EXOC6B: variants seen among roughly 807,000 people sequenced by gnomAD.
EXOC6B encodes the protein exocyst complex component 6B.
EXOC6B carries 54 observed loss-of-function variants against 113.5 expected under a neutral mutation model. That is an observed-to-expected ratio of 0.48 (90% CI 0.38 to 0.60). The LOEUF (loss-of-function observed/expected upper bound fraction) is 0.60. EXOC6B is among the 20% of genes least tolerant of loss of function. The pLI, the probability that EXOC6B is intolerant of heterozygous loss-of-function variation, is 0.00. For synonymous variants in EXOC6B, 357 were observed against 339.0 expected (o/e 1.05, Z -0.58); for missense variants, 797 against 977.5 (o/e 0.82, Z 2.46).
chr2:72,732,337 G>A (rs1680696920), intron 3 of EXOC6B, among the ~76,000 whole-genome samples: 1 of 151,728 alleles, frequency 6.6e-6, no homozygotes, highest in African/African-American at 2.4e-5. Context: ...TTGTTTTGGG[G>A]GGCAGGTAGA....
At chr2:72,387,093 G>C (rs931349376) in intron 18 of EXOC6B, among the ~76,000 whole-genome samples, 1 of 152,108 alleles carries the variant, frequency 6.6e-6, no homozygotes, top group African/African-American at 2.4e-5. Flanking sequence ...TCTTGAAAGG[G>C]TGTTCAATTT....
At chr2:72,268,930 C>A (rs1197451998) in intron 20 of EXOC6B, among the ~76,000 whole-genome samples, 1 of 152,120 alleles carries the variant, frequency 6.6e-6, no homozygotes, top group Non-Finnish European at 1.5e-5. Context: ...AACCTCTTTT[C>A]TTTATAAATT....
At chr2:72,665,554 T>C (rs1048455838) in intron 6 of EXOC6B, among the ~76,000 whole-genome samples, 1 of 152,156 alleles carries the variant, frequency 6.6e-6, no homozygotes, top group East Asian at 1.9e-4. Context: ...TTCAGTGTCC[T>C]TAAAGAAAAG....
intron 3 of EXOC6B, among the ~76,000 whole-genome samples, 161 bp from the exon 4 acceptor site, chr2:72,731,406 AC>A (rs1370110020): frequency 2.6e-5 from 4 of 152,220 alleles, no homozygotes; most frequent in African/African-American, 9.6e-5. Context: ...AACCAGTAAA[AC>A]ATTCCTGCAC....
At chr2:72,382,123 T>G (rs1691714751) in intron 18 of EXOC6B, among the ~76,000 whole-genome samples, 1 of 152,094 alleles carries the variant, frequency 6.6e-6, no homozygotes, top group African/African-American at 2.4e-5. Context: ...AAGAGAAAAG[T>G]CACATCATAA....
At chr2:72,370,875 G>T (rs958402612) in intron 19 of EXOC6B, among the ~76,000 whole-genome samples, 1 of 112,964 alleles carries the variant, frequency 8.9e-6, no homozygotes, top group Non-Finnish European at 1.9e-5. Flanking sequence ...GGTGATGGGA[G>T]GGGGGAGGGA....
intron 18 of EXOC6B, among the ~76,000 whole-genome samples, chr2:72,380,231 A>C (rs1446203623): frequency 1.3e-5 from 2 of 152,228 alleles, no homozygotes; most frequent in Non-Finnish European, 2.9e-5. Context: ...ACAGAGAATA[A>C]ATTTCAAAAA....
chr2:72,700,977 A>G (rs960835888), intron 6 of EXOC6B, among the ~76,000 whole-genome samples: 1 of 151,966 alleles, frequency 6.6e-6, no homozygotes, highest in Non-Finnish European at 1.5e-5. Flanking sequence ...TTTATGTAAT[A>G]TATATTTTAC....
At chr2:72,516,968 G>C (rs1401076762) in intron 8 of EXOC6B, among the ~76,000 whole-genome samples, 1 of 152,160 alleles carries the variant, frequency 6.6e-6, no homozygotes, top group Non-Finnish European at 1.5e-5. Context: ...CTGCCTTCCT[G>C]AAAAATTGAA....
intron 10 of EXOC6B, 38 bp downstream of exon 10, chr2:72,514,591 TAAATA>T (rs1558751110): frequency 4.2e-6 from 1 of 238,956 alleles, no homozygotes; most frequent in Non-Finnish European, 7.3e-6. Flanking sequence ...AATAAATAAA[TAAATA>T]AATAAATAAA....
At chr2:72,824,465 AC>A (rs1439673860) in intron 1 of EXOC6B, among the ~76,000 whole-genome samples, 1 of 152,196 alleles carries the variant, frequency 6.6e-6, no homozygotes, top group African/African-American at 2.4e-5. Flanking sequence ...CAAAAGGCAA[AC>A]TACTAAGGAT....
intron 7 of EXOC6B, among the ~76,000 whole-genome samples, chr2:72,568,619 G>T (rs1006267432): frequency 1.3e-5 from 2 of 151,818 alleles, no homozygotes; most frequent in African/African-American, 4.8e-5. Context: ...TTAATAAGTG[G>T]ACTATTTAAG....
chr2:72,544,186 C>T (rs1702774563), intron 8 of EXOC6B, among the ~76,000 whole-genome samples: 1 of 152,114 alleles, frequency 6.6e-6, no homozygotes, highest in African/African-American at 2.4e-5. Context: ...AATATCCACT[C>T]CTGAAACATT....
At chr2:72,473,772 T>A (rs755682689) in intron 17 of EXOC6B, among the ~76,000 whole-genome samples, 6 of 152,166 alleles carry the variant, frequency 3.9e-5, no homozygotes, top group Non-Finnish European at 7.4e-5. Flanking sequence ...TTACTGTTTG[T>A]TACTGCGGTT....
At chr2:72,733,206 G>A in intron 2 of EXOC6B, 88 bp from the exon 3 acceptor site, 1 of 959,600 alleles carries the variant, frequency 1.0e-6, no homozygotes, top group South Asian at 1.4e-5. Context: ...AAAAGATTAG[G>A]AATAGGCAGT....
At chr2:72,591,685 C>G (rs1705974757) in intron 6 of EXOC6B, among the ~76,000 whole-genome samples, 1 of 152,102 alleles carries the variant, frequency 6.6e-6, no homozygotes, top group African/African-American at 2.4e-5. Context: ...ATTAAAGGTT[C>G]CTATACATCC....
chr2:72,565,709 A>T (rs1704130705), intron 7 of EXOC6B, among the ~76,000 whole-genome samples: 2 of 152,178 alleles, frequency 1.3e-5, no homozygotes. Context: ...CTTTACCCAC[A>T]GTGATAGGAA....
rs371467311 is a variant in EXOC6B at position 72,480,504 on chromosome 2, C to T, written c.1800+112G>A. 5.1e-5 allele frequency: 49 copies of T among 961,836 alleles called. No homozygotes were observed. In the East Asian group the frequency reaches 5.2e-4, roughly 10 times the overall value. The allele number at this position is 961,836 out of a possible 1,614,324, so 59.6% of individuals were successfully genotyped here. A position where few individuals can be genotyped will look rare whatever the true frequency, so the allele number is the denominator to read the frequency against. ...GGAAACCAAACATATCATAAACACTCATTCTCAAGAGCATGTTATAAACCA... is the reference window on the plus strand; with the variant it reads ...GGAAACCAAACATATCATAAACACTTATTCTCAAGAGCATGTTATAAACCA... On this transcript the variant is annotated intron_variant, in intron 17 of 21. Transcript: ENST00000272427.
intron 6 of EXOC6B, among the ~76,000 whole-genome samples, chr2:72,643,493 C>G (rs1419569571): frequency 1.3e-5 from 2 of 149,164 alleles, no homozygotes; most frequent in South Asian, 2.1e-4. Flanking sequence ...AATCATCATT[C>G]TCAGTAAACT....
Sources: allele counts gnomAD v4.1 joint callset (sites outside exome capture counted in the v4.1 genomes callset), GRCh38; gene constraint gnomAD v4.1.1; transcripts MANE v1.5; gene names NCBI Gene and HGNC (gene_info 2026-07-23, HGNC 2026-07-21).